The following KMT5C variants were observed in gnomAD, a reference collection of about 807,000 sequenced individuals.
The protein encoded by KMT5C is lysine methyltransferase 5C, also known as histone-lysine N-methyltransferase KMT5C.
Under a neutral mutation model 38.2 loss-of-function variants are expected in KMT5C, and 16 were observed. The ratio of observed to expected loss-of-function variants is 0.42; its 90% CI spans 0.28 to 0.64. The LOEUF (loss-of-function observed/expected upper bound fraction) is 0.64, where lower values mean the gene tolerates loss of function less well. Among genes scored for constraint, KMT5C ranks in the 30% least tolerant of loss-of-function variants. The pLI is 0.23. For missense variants in KMT5C, 598 were observed against 665.1 expected (o/e 0.90, Z 1.11); for synonymous variants, 291 against 279.0 (o/e 1.04, Z -0.43).
chr19:55,342,456 G>T, intron 3 of KMT5C, 76 bp downstream of exon 3: 1 of 1,215,588 alleles, frequency 8.2e-7, no homozygotes, highest in Non-Finnish European at 1.1e-6. Context: ...CCTGGCAGAC[G>T]CTCTAGAGTC....
intron 6 of KMT5C, 23 bp from the exon 7 acceptor site, chr19:55,346,190 C>T (rs756493658): frequency 5.3e-5 from 85 of 1,612,920 alleles, no homozygotes; most frequent in Non-Finnish European, 6.2e-5. Context: ...TGGGCCAGGG[C>T]GCTGAGTGGG....
intron 1 of KMT5C, among the ~76,000 whole-genome samples, chr19:55,340,742 C>T (rs1045533815): frequency 1.3e-5 from 2 of 152,000 alleles, no homozygotes; most frequent in African/African-American, 2.4e-5. Context: ...TCCCTGAGTC[C>T]CTAGGCCATT....
Position 55,343,054 on chromosome 19 carries a change from AC to A in KMT5C, c.386+207del. ...GCTGGAGCAGGAGACCCCGGATGTG[AC>A]CCCAGGGTTCCTGGGGCTTCCAGGA... On this transcript the variant is annotated intron_variant, in intron 4 of 8. Transcript: ENST00000255613. This position sits in a 1 kb window ranked among gnomAD's most constrained non-coding sequence, Gnocchi z 5.5. 1.8e-6 allele frequency: 1 copy of A among 558,528 alleles called. No homozygotes were observed. The highest frequency in any genetic ancestry group is 3.0e-5 in the East Asian group (1 of 33,482). The allele number at this position is 558,528 out of a possible 1,614,324, so 34.6% of individuals were successfully genotyped here.
intron 6 of KMT5C, chr19:55,344,208 A>G: frequency 2.1e-6 from 1 of 475,934 alleles, no homozygotes; most frequent in South Asian, 2.4e-5. Context: ...TAAAAACACA[A>G]AAAATTAGTC....
rs1324240717 is a variant in KMT5C, at chr19:55,347,034, A to G, written c.974A>G (p.Gln325Arg). The G allele has an allele frequency of 1.3e-6, 2 of 1,512,128 alleles. No individual in the cohort carries two copies. The highest frequency in any genetic ancestry group is 1.4e-5 in the African/African-American group (1 of 73,180). The allele number at this position is 1,512,128 out of a possible 1,614,324, so 93.7% of individuals were successfully genotyped here. A position where few individuals can be genotyped will look rare whatever the true frequency, so the allele number is the denominator to read the frequency against. Residue 325 changes from glutamine (Q) to arginine (R), a missense_variant, in exon 9 of 9, where the codon CAG becomes CGG. Physicochemically the swap from Gln to Arg is conservative, Grantham distance 43. This residue lies in a region of KMT5C where 326 missense variants were observed against 298.1 expected (regional missense o/e 1.09). Transcript: ENST00000255613. The surrounding 1 kb of genome is among the most constrained non-coding windows in gnomAD (Gnocchi z 4.6). ...CCCCTCTGGCTCCAGTGGCTGCCTC[A>G]GCCCCAGCCCCGAGTGCGGCCCCGG... ...TSPLWLQWLP[Q>R]PQPRVRPRKR...
At position 55,346,227 on chromosome 19, in the gene KMT5C, T is replaced by C. The variant is rs148650431; in HGVS notation, c.585T>C (p.Asp195=). The part of the protein sequence containing the change: ...CKPNCKFVPA[D]GNAACVKVLR... ...TTGGCCCTCAGTTTGTGCCTGCAGA[T>C]GGGAACGCAGCCTGCGTGAAGGTGC... Residue 195 remains aspartate, a synonymous_variant, in exon 7 of 9, where the codon GAT becomes GAC. Transcript: ENST00000255613. 6.2e-7 allele frequency: 1 copy of C among 1,613,600 alleles called. No individual in the cohort carries two copies. The highest frequency in any genetic ancestry group is 8.5e-7 in the Non-Finnish European group (1 of 1,179,872).
chr19:55,347,537 G>C lies in KMT5C; in HGVS notation c.*88G>C. 6.9e-7 allele frequency: 1 copy of C among 1,454,320 alleles called. No homozygotes were observed. Among genetic ancestry groups the C allele is most frequent in the Non-Finnish European group, 9.0e-7 (1 of 1,109,970 alleles). 90.1% of individuals were successfully genotyped at this position (1,454,320 alleles called of 1,614,324 possible). A position where few individuals can be genotyped will look rare whatever the true frequency, so the allele number is the denominator to read the frequency against. On this transcript the variant is annotated 3_prime_UTR_variant, in exon 9 of 9. Coordinates refer to ENST00000255613, the MANE Select transcript of KMT5C (RefSeq NM_032701.4). The surrounding 1 kb of genome is among the most constrained non-coding windows in gnomAD (Gnocchi z 4.6). ...TCCAGAAGGAGCCCTTGGACCTCTG[G>C]GAGGGAGCTGACCCTTGACTCCAGC...
intron 4 of KMT5C, 38 bp downstream of exon 4, chr19:55,342,889 A>C (rs1030810365): frequency 1.6e-6 from 2 of 1,266,600 alleles, no homozygotes; most frequent in African/African-American, 3.0e-5. Context: ...TCCTTGGAGG[A>C]GACAGAGCTC....
intron 8 of KMT5C, 66 bp downstream of exon 8, chr19:55,346,753 T>C: frequency 7.5e-7 from 1 of 1,336,678 alleles, no homozygotes; most frequent in Non-Finnish European, 1.0e-6. Flanking sequence ...CTGTCTCCTT[T>C]CTTCTGAGCT....
intron 1 of KMT5C, among the ~76,000 whole-genome samples, chr19:55,340,312 C>T (rs2089542682): frequency 6.6e-6 from 1 of 150,894 alleles, no homozygotes; most frequent in South Asian, 2.1e-4. Context: ...AGGTCTCTCC[C>T]TGCACCCTCA....
Position 55,346,209 on chromosome 19 carries a change from T to A in KMT5C, c.571-4T>A. 6.2e-7 allele frequency: 1 copy of A among 1,613,582 alleles called. No individual in the cohort carries two copies. Among genetic ancestry groups the A allele is most frequent in the Non-Finnish European group, 8.5e-7 (1 of 1,179,866 alleles). ...CCAGGGCGCTGAGTGGGCTTGGCCC[T>A]CAGTTTGTGCCTGCAGATGGGAACG... On this transcript the variant is annotated splice_region_variant and splice_polypyrimidine_tract_variant and intron_variant, in intron 6 of 8. Transcript: ENST00000255613.
Position 55,346,414 on chromosome 19 carries a change from C to T in KMT5C, c.707+65C>T, listed in dbSNP as rs1480328205. The T allele has an allele frequency of 6.2e-6, 10 of 1,611,200 alleles. No homozygotes were observed. The East Asian group carries it at 6.7e-5, about 11-fold the overall frequency. On this transcript the variant is annotated intron_variant, in intron 7 of 8. Transcript: ENST00000255613. ...GGCTTCTTGAGCCCAGAAACGCACC[C>T]TCGGGACCCATCCCTGAGTGTGTCC...
chr19:55,343,821 C>T lies in KMT5C; in HGVS notation c.528C>T (p.Gly176=), dbSNP rs745907872. 3.1e-6 allele frequency: 5 copies of T among 1,613,528 alleles called. No homozygotes were observed. Among genetic ancestry groups the T allele is most frequent in the Non-Finnish European group, 4.2e-6 (5 of 1,179,902 alleles). The change falls in exon 5 of 9, where the codon GGC becomes GGT. Residue 176 remains glycine, a synonymous_variant. Coordinates refer to ENST00000255613, the MANE Select transcript of KMT5C (RefSeq NM_032701.4). This position sits in a 1 kb window ranked among gnomAD's most constrained non-coding sequence, Gnocchi z 5.5. The part of the protein sequence containing the change: ...TRKRSAQLWL[G]PAAFINHDCK... ...AGCGGAGTGCTCAGCTGTGGCTGGG[C>T]CCAGCCGCCTTCATCAACCATGGTG...
chr19:55,346,016 G>A, intron 6 of KMT5C, 197 bp from the exon 7 acceptor site: 1 of 619,652 alleles, frequency 1.6e-6, no homozygotes, highest in Admixed American at 3.0e-5. Flanking sequence ...CCAGCCAGTG[G>A]GTGGATTGTC....
At chr19:55,345,004 G>A (rs1477070337) in intron 6 of KMT5C, 2 of 457,504 alleles carry the variant, frequency 4.4e-6, no homozygotes, top group African/African-American at 2.0e-5. Context: ...GAGGGTTTTG[G>A]ACAGCGAATG....
At position 55,347,160 on chromosome 19, in the gene KMT5C, G is replaced by A. The variant is rs918165189; in HGVS notation, c.1100G>A (p.Arg367His). The A allele has an allele frequency of 6.5e-6, 10 of 1,536,366 alleles. No homozygotes were observed. The highest frequency in any genetic ancestry group is 5.5e-5 in the African/African-American group (4 of 73,062). ...HRWGGCGPHC[R>H]LRGEALVALG... is the part of the protein sequence containing the mutation. ...TGGGGAGGCTGTGGCCCCCACTGCCGCCTGCGAGGAGAGGCCCTGGTGGCC... is the reference window on the plus strand; with the variant it reads ...TGGGGAGGCTGTGGCCCCCACTGCCACCTGCGAGGAGAGGCCCTGGTGGCC... Residue 367 changes from arginine (R) to histidine (H), a missense_variant, in exon 9 of 9, where the codon CGC becomes CAC. Physicochemically the swap from Arg to His is conservative, Grantham distance 29. Transcript: ENST00000255613. The surrounding 1 kb of genome is among the most constrained non-coding windows in gnomAD (Gnocchi z 4.6).
At chr19:55,339,996 ACGGCCCCAGCCC>A (rs2089538516) in intron 1 of KMT5C, 39 bp downstream of exon 1, 1 of 152,150 alleles carries the variant, frequency 6.6e-6, no homozygotes, top group African/African-American at 2.4e-5. Context: ...GAGCCCCTTC[ACGGCCCCAGCCC>A]CGCGCCGCCT....
intron 1 of KMT5C, among the ~76,000 whole-genome samples, chr19:55,340,897 C>T (rs1364106059): frequency 6.6e-6 from 1 of 151,934 alleles, no homozygotes; most frequent in African/African-American, 2.4e-5. Context: ...AGCCCCCTCT[C>T]CAGCTTCCCC....
intron 3 of KMT5C, 49 bp downstream of exon 3, chr19:55,342,429 C>T (rs1336196057): frequency 4.6e-5 from 63 of 1,378,270 alleles, no homozygotes; most frequent in Non-Finnish European, 5.8e-5. Flanking sequence ...CCTCCCCGCT[C>T]ACCGGGCCTG....
Sources: allele counts gnomAD v4.1 joint callset (sites outside exome capture counted in the v4.1 genomes callset), GRCh38; gene constraint gnomAD v4.1.1; regional missense constraint gnomAD v4.1.1; non-coding constraint Gnocchi (gnomAD v3.1); transcripts MANE v1.5; gene names NCBI Gene and HGNC (gene_info 2026-07-23, HGNC 2026-07-21).